The following BEAN1 variants were observed in gnomAD, a reference collection of about 807,000 sequenced individuals.
The protein encoded by BEAN1 is brain expressed associated with NEDD4 1, also known as protein BEAN1.
BEAN1 carries 17 observed loss-of-function variants against 17.7 expected under a neutral mutation model. The ratio of observed to expected loss-of-function variants is 0.96; its 90% confidence interval spans 0.66 to 1.44. BEAN1 has a LOEUF of 1.44. Ranked by LOEUF, BEAN1 falls within the 40% of genes most tolerant of loss-of-function variation. The pLI is 0.00. For missense variants in BEAN1, 359 were observed against 374.1 expected (o/e 0.96, Z 0.33); for synonymous variants, 142 against 151.8 (o/e 0.94, Z 0.47).
At chr16:66,486,409 G>T (rs560905721), downstream of BEAN1, among the ~76,000 whole-genome samples, 101 of 152,068 alleles carry the variant, frequency 6.6e-4, no homozygotes, top group Non-Finnish European at 1.3e-3. Flanking sequence ...ACATGTCACT[G>T]CGCCCAGCTA....
At chr16:66,435,662 T>C (rs1404330379) in intron 1 of BEAN1, among the ~76,000 whole-genome samples, 2 of 152,074 alleles carry the variant, frequency 1.3e-5, no homozygotes, top group Non-Finnish European at 2.9e-5. Context: ...TAATTTTTTG[T>C]ATTTTTAGTA....
At chr16:66,490,392 GT>G (rs1964148861) in intron 4 of BEAN1, among the ~76,000 whole-genome samples, 1 of 16,612 alleles carries the variant, frequency 6.0e-5, no homozygotes, top group Non-Finnish European at 2.3e-4. Context: ...ACAAGACTCT[GT>G]TTCAATAAAA....
chr16:66,475,216 G>A (rs148015843), intron 3 of BEAN1, among the ~76,000 whole-genome samples: 1 of 152,260 alleles, frequency 6.6e-6, no homozygotes, highest in African/African-American at 2.4e-5. Flanking sequence ...TGGGAGTGGC[G>A]GGTGCAGGTT....
At chr16:66,493,459 C>G in exon 5 of BEAN1, 1 of 608,612 alleles carries the variant, frequency 1.6e-6, no homozygotes, top group Non-Finnish European at 2.9e-6. Flanking sequence ...AGTGCCATGG[C>G]AGCACATGCC....
intron 1 of BEAN1, among the ~76,000 whole-genome samples, chr16:66,436,567 T>C (rs1399724019): frequency 1.3e-5 from 2 of 150,718 alleles, no homozygotes; most frequent in Non-Finnish European, 3.0e-5. Flanking sequence ...TGTGAGCCAC[T>C]GCATCCAGCC....
rs554151429 is a variant in BEAN1 at position 66,463,410 on chromosome 16, T to C, written c.26-6192T>C. 2.1e-4 allele frequency among the ~76,000 whole-genome samples: 32 copies of C among 152,350 alleles called. No homozygotes were observed. The South Asian group carries it at 6.4e-3, about 31-fold the overall frequency. ...CTGATGGTTAATGATGTTGGGCAACTTTTCATGTGCTTACTGGCCAATTGT... is the reference window on the plus strand; with the variant it reads ...CTGATGGTTAATGATGTTGGGCAACCTTTCATGTGCTTACTGGCCAATTGT... On this transcript the variant is annotated intron_variant, in intron 2 of 4. Coordinates refer to ENST00000536005, the MANE Select transcript of BEAN1 (RefSeq NM_001178020.3).
chr16:66,477,995 G>T (rs1240891920), intron 4 of BEAN1: 1 of 286,514 alleles, frequency 3.5e-6, no homozygotes, highest in Admixed American at 5.4e-5. Context: ...AGTTTCAGGG[G>T]AGGTTCCGTG....
At chr16:66,460,124 A>G (rs1963027561) in intron 2 of BEAN1, among the ~76,000 whole-genome samples, 1 of 152,006 alleles carries the variant, frequency 6.6e-6, no homozygotes, top group Non-Finnish European at 1.5e-5. Flanking sequence ...TGGGGTGACA[A>G]GAGAGAGAGA....
chr16:66,491,846 C>A (rs1225839917), intron 4 of BEAN1, among the ~76,000 whole-genome samples: 1 of 152,150 alleles, frequency 6.6e-6, no homozygotes, highest in Non-Finnish European at 1.5e-5. Context: ...GTTTGCCCGC[C>A]ACTCACCTCC....
downstream of BEAN1, chr16:66,493,630 G>A: frequency 2.0e-6 from 1 of 506,198 alleles, no homozygotes; most frequent in Non-Finnish European, 3.5e-6. Flanking sequence ...CCGCCTCAGG[G>A]TGCAGCAGGG....
chr16:66,491,071 G>A (rs568200047), intron 4 of BEAN1, among the ~76,000 whole-genome samples: 16 of 152,306 alleles, frequency 1.1e-4, no homozygotes, highest in South Asian at 2.1e-4. Context: ...AGGCCCAGGC[G>A]AAGCTGCTCT....
At chr16:66,488,598 G>A (rs1964122879) in intron 4 of BEAN1, among the ~76,000 whole-genome samples, 2 of 151,888 alleles carry the variant, frequency 1.3e-5, no homozygotes, top group Non-Finnish European at 1.5e-5. Flanking sequence ...ACAGGGGAGG[G>A]TGGGACAGGA....
In BEAN1 at chr16:66,434,802, A is replaced by T. The variant is rs1425943618; in HGVS notation, c.-82-2793A>T. 6.6e-6 allele frequency among the ~76,000 whole-genome samples: 1 copy of T among 151,936 alleles called. No homozygotes were observed. Among genetic ancestry groups the T allele is most frequent in the Non-Finnish European group, 1.5e-5 (1 of 67,994 alleles). ...CAAGCACCTTTGAAAGGCAGCCTCC[A>T]CCCCTCAGTCGTGCGCTTGCATCAG... On this transcript the variant is annotated intron_variant, in intron 1 of 4. Coordinates refer to ENST00000536005, the MANE Select transcript of BEAN1 (RefSeq NM_001178020.3). The surrounding 1 kb of genome is among the most constrained non-coding windows in gnomAD (Gnocchi z 4.3).
chr16:66,465,564 G>A (rs578119515), intron 2 of BEAN1, among the ~76,000 whole-genome samples: 66 of 152,262 alleles, frequency 4.3e-4, no homozygotes, highest in Middle Eastern at 6.8e-3. Context: ...CTGGTATTAA[G>A]TACATTCACA....
chr16:66,491,179 G>A (rs1426184963), intron 4 of BEAN1, among the ~76,000 whole-genome samples: 1 of 152,224 alleles, frequency 6.6e-6, no homozygotes, highest in Admixed American at 6.5e-5. Flanking sequence ...CACCCACAGG[G>A]CCAGGTGGCT....
Position 66,453,939 on chromosome 16 carries a change from G to T in BEAN1, c.26-15663G>T, listed in dbSNP as rs145632058. 5.5e-3 allele frequency among the ~76,000 whole-genome samples: 834 copies of T among 152,188 alleles called. 8 individuals are homozygous for T. Among genetic ancestry groups the T allele is most frequent in the African/African-American group, 0.019 (803 of 41,520 alleles). The stretch of plus-strand genomic sequence containing the variant: ...AGTAGAGACAGGGTTTTGCCATGTT[G>T]GCCAGGGTGGTCTCAAACTCCTGAC... On this transcript the variant is annotated intron_variant, in intron 2 of 4. Coordinates refer to ENST00000536005, the MANE Select transcript of BEAN1 (RefSeq NM_001178020.3).
At chr16:66,459,829 C>T (rs1183075319) in intron 2 of BEAN1, among the ~76,000 whole-genome samples, 1 of 152,228 alleles carries the variant, frequency 6.6e-6, no homozygotes, top group Non-Finnish European at 1.5e-5. Context: ...CCATTCCAGA[C>T]CAGGACTCTT....
At chr16:66,460,051 G>C (rs1034543804) in intron 2 of BEAN1, among the ~76,000 whole-genome samples, 1 of 152,198 alleles carries the variant, frequency 6.6e-6, no homozygotes, top group African/African-American at 2.4e-5. Context: ...ACTGCCCCTG[G>C]TCCAATTCAA....
intron 2 of BEAN1, among the ~76,000 whole-genome samples, chr16:66,447,019 C>T (rs1962481980): frequency 1.3e-5 from 2 of 152,190 alleles, no homozygotes; most frequent in South Asian, 2.1e-4. Context: ...CCTGTAGTCT[C>T]AGCACTCTGG....
Sources: gnomAD v4.1 joint callset for allele counts (sites outside exome capture counted in the v4.1 genomes callset) on GRCh38, gnomAD v4.1.1 for gene constraint, Gnocchi (gnomAD v3.1) non-coding constraint, MANE v1.5 for transcripts, NCBI Gene and HGNC (gene_info 2026-07-23, HGNC 2026-07-21) for gene names.